KMT2E: variants seen among roughly 807,000 people sequenced by gnomAD.
KMT2E encodes the protein histone reader KMT2E.
In KMT2E, 30 loss-of-function variants were observed where a neutral mutation model predicts 184.6. The observed-to-expected ratio is 0.16, with a 90% CI of 0.12 to 0.22. The LOEUF (loss-of-function observed/expected upper bound fraction) is 0.22. KMT2E is among the 10% of genes least tolerant of loss of function. The pLI, the probability that KMT2E is intolerant of heterozygous loss-of-function variation, is 1.00. For missense variants in KMT2E, 2,023 were observed against 2,237.4 expected (o/e 0.90, Z 1.93); for synonymous variants, 815 against 776.5 (o/e 1.05, Z -0.82).
chr7:105,077,496 T>C, intron 11 of KMT2E, 63 bp downstream of exon 11: 1 of 1,279,676 alleles, frequency 7.8e-7, no homozygotes. Flanking sequence ...TTGGCTGTTT[T>C]ACCTAGATGT....
chr7:105,078,657 CTTTTTTTTTTTTTTT>C (rs71152940), intron 11 of KMT2E, among the ~76,000 whole-genome samples, 174 bp from the exon 12 acceptor site: 4 of 46,674 alleles, frequency 8.6e-5, no homozygotes, highest in Non-Finnish European at 1.4e-4. Flanking sequence ...CATGCCTGGC[CTTTTTTTTTTTTTTT>C]TTTTTTTTTT....
chr7:105,040,871 G>A lies in KMT2E; in HGVS notation c.-82G>A. On this transcript the variant is annotated 5_prime_UTR_variant, in exon 3 of 27. Transcript: ENST00000311117. ...GGATGCACTTAGATGTTTGCAATGA[G>A]CACTGTGGCTGGCATGCCCCAGTGT... 1.1e-6 allele frequency: 1 copy of A among 938,750 alleles called. No individual in the cohort carries two copies. The highest frequency in any genetic ancestry group is 1.7e-6 in the Non-Finnish European group (1 of 594,120). The allele number at this position is 938,750 out of a possible 1,614,324, so 58.2% of individuals were successfully genotyped here.
intron 5 of KMT2E, 53 bp downstream of exon 5, chr7:105,063,633 G>A: frequency 4.9e-6 from 6 of 1,225,152 alleles, no homozygotes; most frequent in Non-Finnish European, 6.8e-6. Flanking sequence ...ATAACCTTTG[G>A]TAATGTTGGA....
At chr7:105,041,999 T>C (rs897748787) in intron 3 of KMT2E, among the ~76,000 whole-genome samples, 6 of 152,148 alleles carry the variant, frequency 3.9e-5, no homozygotes, top group Non-Finnish European at 8.8e-5. Flanking sequence ...AACTGTTCTT[T>C]TTTTGTTGTT....
At chr7:105,077,970 A>G (rs1316294367) in intron 11 of KMT2E, among the ~76,000 whole-genome samples, 16 of 152,222 alleles carry the variant, frequency 1.1e-4, no homozygotes, top group Admixed American at 9.8e-4. Flanking sequence ...TGAGATTTGT[A>G]TGCAGAATTA....
intron 3 of KMT2E, among the ~76,000 whole-genome samples, chr7:105,051,570 C>A (rs1453729497): frequency 6.6e-6 from 1 of 152,054 alleles, no homozygotes; most frequent in African/African-American, 2.4e-5. Flanking sequence ...CCCCTTAACC[C>A]CTATGTCTAA....
chr7:105,041,599 T>C (rs1448632227), intron 3 of KMT2E, among the ~76,000 whole-genome samples: 2 of 152,022 alleles, frequency 1.3e-5, no homozygotes, highest in Middle Eastern at 3.2e-3. Flanking sequence ...TGGGGTTTCA[T>C]CATTTTGGCT....
intron 15 of KMT2E, among the ~76,000 whole-genome samples, chr7:105,096,924 G>C (rs1191083597): frequency 6.6e-6 from 1 of 152,196 alleles, no homozygotes; most frequent in African/African-American, 2.4e-5. Context: ...AGTTTACTGT[G>C]ATGAGCACTA....
At chr7:105,065,946 T>C (rs1308269335) in intron 5 of KMT2E, among the ~76,000 whole-genome samples, 3 of 152,200 alleles carry the variant, frequency 2.0e-5, no homozygotes, top group Admixed American at 6.5e-5. Flanking sequence ...CTCAAACTGG[T>C]CCATGTATTC....
In KMT2E at chr7:105,042,528, C is replaced by T. The variant is rs115823255; in HGVS notation, c.71+1505C>T. Among the ~76,000 whole-genome samples, 366 of 152,200 alleles carry T rather than the reference C, an allele frequency of 2.4e-3. 2 individuals are homozygous for T. The highest frequency in any genetic ancestry group is 8.5e-3 in the African/African-American group (353 of 41,522). The stretch of plus-strand genomic sequence containing the variant: ...TTTTCATTTTATAAGAAATGCAGCT[C>T]AAGGAGATTAACACATTTGCCTATG... On this transcript the variant is annotated intron_variant, in intron 3 of 26. Transcript: ENST00000311117.
intron 14 of KMT2E, 55 bp downstream of exon 14, chr7:105,090,328 T>C: frequency 6.5e-7 from 1 of 1,531,270 alleles, no homozygotes; most frequent in Non-Finnish European, 8.8e-7. Flanking sequence ...TAATCTGTCA[T>C]ATTTTATCCT....
intron 2 of KMT2E, among the ~76,000 whole-genome samples, chr7:105,040,441 T>C (rs896164259): frequency 2.6e-5 from 4 of 152,220 alleles, no homozygotes; most frequent in African/African-American, 7.2e-5. Flanking sequence ...AGACCATCCA[T>C]GTAAAAAGCT....
chr7:105,084,026 C>T (rs1404355629), intron 13 of KMT2E, among the ~76,000 whole-genome samples: 1 of 152,166 alleles, frequency 6.6e-6, no homozygotes, highest in Admixed American at 6.5e-5. Flanking sequence ...CGCATGCACC[C>T]ACATAAAAGC....
rs1799045255 is a variant in KMT2E at position 105,108,979 on chromosome 7, C to T, written c.3506C>T (p.Ala1169Val). ...LLEYRKRQRE[A>V]RKSGSKTENF... ...GAATACCGTAAGAGACAACGTGAAG[C>T]TAGGAAAAGTGGCTCTAAGACAGAG... The change falls in exon 23 of 27, where the codon GCT (alanine) becomes GTT (valine). Residue 1169 changes from alanine to valine, a missense_variant. By Grantham distance (64) the Ala-to-Val change is moderately conservative. This residue lies in a region of KMT2E where 1,108 missense variants were observed against 1,050.9 expected (regional missense o/e 1.05). Transcript: ENST00000311117. 1 of 1,613,126 alleles carries T rather than the reference C, an allele frequency of 6.2e-7. No individual in the cohort carries two copies. Among genetic ancestry groups the T allele is most frequent in the Admixed American group, 1.7e-5 (1 of 59,982 alleles).
At chr7:105,076,872 T>G (rs900953990) in intron 9 of KMT2E, 91 bp from the exon 10 acceptor site, 54 of 632,334 alleles carry the variant, frequency 8.5e-5, no homozygotes, top group East Asian at 4.3e-4. Context: ...GCCGTTAATT[T>G]TGTGTGTGTG....
intron 9 of KMT2E, among the ~76,000 whole-genome samples, chr7:105,076,683 T>C (rs1171564940): frequency 2.6e-5 from 4 of 152,248 alleles, no homozygotes; most frequent in Non-Finnish European, 5.9e-5. Context: ...GCTGTTACTA[T>C]AGTTTTCTGG....
intron 1 of KMT2E, among the ~76,000 whole-genome samples, chr7:105,033,643 C>T (rs532183300): frequency 9.9e-5 from 15 of 152,048 alleles, no homozygotes; most frequent in Non-Finnish European, 2.1e-4. Flanking sequence ...GGACTACAGA[C>T]GCCCGCCACC....
chr7:105,068,566 C>T (rs1286220640), intron 6 of KMT2E, among the ~76,000 whole-genome samples: 1 of 151,382 alleles, frequency 6.6e-6, no homozygotes, highest in Admixed American at 6.6e-5. Flanking sequence ...CATCCTTCCA[C>T]CTCAGCTTGC....
Position 105,112,646 on chromosome 7 carries a change from T to A in KMT2E, c.4890T>A (p.Pro1630=), listed in dbSNP as rs1240569782. 2.5e-6 allele frequency: 4 copies of A among 1,613,432 alleles called. No individual in the cohort carries two copies. Among genetic ancestry groups the A allele is most frequent in the African/African-American group, 1.3e-5 (1 of 74,668 alleles). Residue 1630 remains proline (P), a synonymous_variant, in exon 27 of 27, where the codon CCT becomes CCA. Coordinates refer to ENST00000311117, the MANE Select transcript of KMT2E (RefSeq NM_182931.3). ...CTGCTGCCGTAGTCCCCCCTCCTCC[T>A]CCACCACCACCTGCTCCAGGACCGC... ...QTAAAVVPPP[P]PPPPAPGPHL...
Sources: gnomAD v4.1 joint callset for allele counts (sites outside exome capture counted in the v4.1 genomes callset) on GRCh38, gnomAD v4.1.1 for gene constraint, gnomAD v4.1.1 regional missense constraint, MANE v1.5 for transcripts, NCBI Gene and HGNC (gene_info 2026-07-23, HGNC 2026-07-21) for gene names.